Variants in CAPZB observed in about 807,000 individuals in gnomAD.
CAPZB encodes the protein F-actin-capping protein subunit beta.
CAPZB carries 2 observed loss-of-function variants against 38.1 expected under a neutral mutation model. The observed-to-expected ratio is 0.05, with a 90% CI of 0.02 to 0.17. The LOEUF is 0.17. CAPZB is among the 10% of genes least tolerant of loss of function. CAPZB has a pLI of 1.00. For synonymous variants in CAPZB, 107 were observed against 127.4 expected (o/e 0.84, Z 1.08); for missense variants, 161 against 334.2 (o/e 0.48, Z 4.04).
rs1482035113 is a variant in CAPZB at position 19,440,345 on chromosome 1, A to T, written c.4-20595T>A. ...GAGCCATGCACCCGGCCCATAAAAT[A>T]CACCTTTGTAATGAATATGTGAGAA... On this transcript the variant is annotated intron_variant, in intron 1 of 8. Transcript: ENST00000264202. Among the ~76,000 whole-genome samples, 7 of 152,296 alleles carry T rather than the reference A, an allele frequency of 4.6e-5. No individual in the cohort carries two copies. In the East Asian group the frequency reaches 1.4e-3, roughly 29 times the overall value.
chr1:19,361,517 C>T (rs893165835), intron 4 of CAPZB, among the ~76,000 whole-genome samples: 1 of 152,250 alleles, frequency 6.6e-6, no homozygotes, highest in Admixed American at 6.5e-5. Flanking sequence ...GGCGCTCCGG[C>T]ACCTTCAGGA....
chr1:19,406,094 C>A (rs1391615879), intron 2 of CAPZB, among the ~76,000 whole-genome samples: 2 of 152,152 alleles, frequency 1.3e-5, no homozygotes, highest in African/African-American at 4.8e-5. Flanking sequence ...GCTCGACAGG[C>A]CCAGGAAGGC....
At chr1:19,412,623 C>CTTG (rs1207960082) in intron 2 of CAPZB, among the ~76,000 whole-genome samples, 2 of 152,092 alleles carry the variant, frequency 1.3e-5, no homozygotes, top group Non-Finnish European at 2.9e-5. Context: ...CAATGCTCTC[C>CTTG]TTGAGGCAGG....
chr1:19,461,096 C>CGGGGGGGGGG (rs67195695), intron 1 of CAPZB, among the ~76,000 whole-genome samples: 397 of 112,840 alleles, frequency 3.5e-3, no homozygotes, highest in Non-Finnish European at 4.9e-3. Context: ...TGGGCGGGGG[C>CGGGGGGGGGG]GGGGGGGGGA....
chr1:19,424,774 G>A (rs2094416166), intron 1 of CAPZB: 1 of 152,248 alleles, frequency 6.6e-6, no homozygotes, highest in Non-Finnish European at 1.5e-5. Context: ...CTATCCTACT[G>A]CGAGAGCAGA....
At chr1:19,367,036 A>G (rs1054453849) in intron 4 of CAPZB, among the ~76,000 whole-genome samples, 6 of 152,142 alleles carry the variant, frequency 3.9e-5, no homozygotes, top group Admixed American at 6.5e-5. Flanking sequence ...GTGTAGACCA[A>G]CGTTCCTTTT....
intron 1 of CAPZB, among the ~76,000 whole-genome samples, chr1:19,483,171 C>T (rs2094636441): frequency 6.6e-6 from 1 of 152,172 alleles, no homozygotes; most frequent in African/African-American, 2.4e-5. Context: ...AACATGATTT[C>T]CTATACAAAG....
chr1:19,408,332 C>T (rs1239753026), intron 2 of CAPZB, among the ~76,000 whole-genome samples: 1 of 152,248 alleles, frequency 6.6e-6, no homozygotes, highest in Non-Finnish European at 1.5e-5. Context: ...GCAGTTTACA[C>T]GCACCCCAAA....
At chr1:19,464,064 G>T (rs1242699623) in intron 1 of CAPZB, among the ~76,000 whole-genome samples, 2 of 150,860 alleles carry the variant, frequency 1.3e-5, no homozygotes, top group South Asian at 4.2e-4. Context: ...GTGCACACCT[G>T]TAATCTCAGC....
intron 6 of CAPZB, among the ~76,000 whole-genome samples, chr1:19,354,924 G>C (rs965321679): frequency 1.3e-5 from 2 of 152,178 alleles, no homozygotes; most frequent in Non-Finnish European, 2.9e-5. Context: ...GCCCCTGGAA[G>C]ATAGGAGTCC....
At chr1:19,433,300 A>G (rs533922922) in intron 1 of CAPZB, among the ~76,000 whole-genome samples, 2 of 152,362 alleles carry the variant, frequency 1.3e-5, no homozygotes, top group East Asian at 3.9e-4. Context: ...GCCTTTCACA[A>G]AAGTGGAAGC....
Position 19,356,919 on chromosome 1 carries a change from T to C in CAPZB, c.472-168A>G, listed in dbSNP as rs946340494. On this transcript the variant is annotated intron_variant, in intron 5 of 8. Coordinates refer to ENST00000264202, the MANE Select transcript of CAPZB (RefSeq NM_004930.5). The surrounding 1 kb of genome is among the most constrained non-coding windows in gnomAD (Gnocchi z 4.3). ...CTCTGTCACCCAGGCTGGAGTGCAG[T>C]GGTGCGATCTCAAGTCACTGCAGCC... 3.3e-5 allele frequency among the ~76,000 whole-genome samples: 5 copies of C among 151,970 alleles called. No individual in the cohort carries two copies. Among genetic ancestry groups the C allele is most frequent in the African/African-American group, 1.2e-4 (5 of 41,378 alleles).
chr1:19,372,292 T>C (rs190144487), intron 4 of CAPZB, among the ~76,000 whole-genome samples: 1 of 152,358 alleles, frequency 6.6e-6, no homozygotes, highest in Admixed American at 6.5e-5. Context: ...TTGAAGGTAT[T>C]ATCTGCTCCA....
At chr1:19,355,973 A>G (rs1209953975) in intron 6 of CAPZB, among the ~76,000 whole-genome samples, 1 of 152,180 alleles carries the variant, frequency 6.6e-6, no homozygotes, top group Non-Finnish European at 1.5e-5. Context: ...CTTCCAGTCC[A>G]AGTCCAAGTT....
At chr1:19,368,661 CCTTTT>C (rs2094103984) in intron 4 of CAPZB, among the ~76,000 whole-genome samples, 1 of 122,634 alleles carries the variant, frequency 8.2e-6, no homozygotes, top group Non-Finnish European at 1.8e-5. Context: ...TGCAAGAATG[CCTTTT>C]TTTTTTTTTT....
rs147783035 is a variant in CAPZB at position 19,347,650 on chromosome 1, C to G, written c.589-2398G>C. Among the ~76,000 whole-genome samples the G allele has an allele frequency of 3.3e-5, 5 of 152,328 alleles. No homozygotes were observed. In the East Asian group the frequency reaches 9.6e-4, roughly 29 times the overall value. On this transcript the variant is annotated intron_variant, in intron 6 of 8. Coordinates refer to ENST00000264202, the MANE Select transcript of CAPZB (RefSeq NM_004930.5). ...GTCCAGGACTTAAGTAAAGGCCCAG[C>G]TGAGAGAACGACCAGCTTCCTATCG...
intron 6 of CAPZB, among the ~76,000 whole-genome samples, chr1:19,346,397 ATTAT>A (rs962099618): frequency 1.3e-5 from 2 of 149,262 alleles, no homozygotes; most frequent in African/African-American, 5.0e-5. Context: ...CTGCTTAGAC[ATTAT>A]TTATAATTTT....
chr1:19,352,105 A>C (rs2093994903), intron 6 of CAPZB, among the ~76,000 whole-genome samples: 2 of 152,232 alleles, frequency 1.3e-5, no homozygotes, highest in Non-Finnish European at 1.5e-5. Context: ...TGGAACTGCC[A>C]AGCTGGGCCC....
chr1:19,447,101 A>G (rs1234198689), intron 1 of CAPZB, among the ~76,000 whole-genome samples: 1 of 152,252 alleles, frequency 6.6e-6, no homozygotes, highest in East Asian at 1.9e-4. Flanking sequence ...GGCCCCCAGG[A>G]GGTGTGCCCA....
Sources: gnomAD v4.1 joint callset for allele counts (sites outside exome capture counted in the v4.1 genomes callset) on GRCh38, gnomAD v4.1.1 for gene constraint, Gnocchi (gnomAD v3.1) non-coding constraint, MANE v1.5 for transcripts, NCBI Gene and HGNC (gene_info 2026-07-23, HGNC 2026-07-21) for gene names.